Variants in MRPL48 observed in about 807,000 individuals in gnomAD.
MRPL48 encodes mitochondrial ribosomal protein L48.
A neutral mutation model predicts 32.9 loss-of-function variants in MRPL48; 16 were observed. That is an observed-to-expected ratio of 0.49 (90% CI 0.33 to 0.74). The LOEUF (loss-of-function observed/expected upper bound fraction) is 0.74. MRPL48 is among the 30% of genes least tolerant of loss of function. The pLI is 0.02. For synonymous variants in MRPL48, 94 were observed against 89.2 expected (o/e 1.05, Z -0.31); for missense variants, 206 against 245.3 (o/e 0.84, Z 1.07).
At chr11:73,801,836 A>G (rs1285895184) in intron 1 of MRPL48, among the ~76,000 whole-genome samples, 1 of 152,206 alleles carries the variant, frequency 6.6e-6, no homozygotes, top group Non-Finnish European at 1.5e-5. Context: ...TGCTCAACAA[A>G]GTAGATGTCG....
At chr11:73,861,745 T>C in intron 6 of MRPL48, among the ~76,000 whole-genome samples, 1 of 152,210 alleles carries the variant, frequency 6.6e-6, no homozygotes, top group South Asian at 2.1e-4. Context: ...GCCTTCAAAA[T>C]CCTCCACATT....
intron 3 of MRPL48, among the ~76,000 whole-genome samples, chr11:73,816,297 G>A (rs1415505620): frequency 1.3e-5 from 2 of 148,652 alleles, no homozygotes; most frequent in South Asian, 2.1e-4. Flanking sequence ...TCCTGACCTC[G>A]TGATCCGCCC....
At chr11:73,797,208 GC>G (rs951108153) in intron 1 of MRPL48, among the ~76,000 whole-genome samples, 5 of 152,176 alleles carry the variant, frequency 3.3e-5, no homozygotes, top group African/African-American at 1.2e-4. Flanking sequence ...GAGAGGAGCT[GC>G]CCACTCCAAG....
chr11:73,831,790 A>G (rs1947999940), intron 4 of MRPL48, among the ~76,000 whole-genome samples: 1 of 151,898 alleles, frequency 6.6e-6, no homozygotes, highest in Admixed American at 6.6e-5. Flanking sequence ...AAAATGCAAA[A>G]TTAGCTGGGC....
chr11:73,860,560 G>A (rs1041701686), intron 6 of MRPL48: 4 of 152,058 alleles, frequency 2.6e-5, no homozygotes, highest in African/African-American at 9.7e-5. Flanking sequence ...ACCCCTCAGT[G>A]GCTGCCTTCC....
intron 5 of MRPL48, among the ~76,000 whole-genome samples, chr11:73,853,642 G>T (rs183980864): frequency 7.1e-6 from 1 of 141,372 alleles, no homozygotes; most frequent in East Asian, 2.2e-4. Flanking sequence ...TAATAATTAA[G>T]AACTTTTTTT....
At chr11:73,801,603 C>T (rs1723834) in intron 1 of MRPL48, among the ~76,000 whole-genome samples, 12,924 of 152,012 alleles carry the variant, frequency 0.085, 728 homozygotes, top group African/African-American at 0.16. Flanking sequence ...TTTATCTTTC[C>T]GCCTCCTAAT....
chr11:73,861,590 A>G (rs988686272), intron 6 of MRPL48, among the ~76,000 whole-genome samples: 1 of 152,018 alleles, frequency 6.6e-6, no homozygotes, highest in African/African-American at 2.4e-5. Context: ...GCTGGTCTCA[A>G]CCTACTGACC....
At chr11:73,856,182 C>T (rs1223715668) in intron 5 of MRPL48, among the ~76,000 whole-genome samples, 2 of 152,204 alleles carry the variant, frequency 1.3e-5, no homozygotes, top group Non-Finnish European at 2.9e-5. Context: ...CTCCAAACAG[C>T]TCAGAGCATA....
chr11:73,796,837 G>T (rs1391087649), intron 1 of MRPL48, among the ~76,000 whole-genome samples: 2 of 152,196 alleles, frequency 1.3e-5, no homozygotes, highest in African/African-American at 4.8e-5. Context: ...GGCTAAGGCA[G>T]GCAGATCACC....
At chr11:73,814,873 T>TA (rs528245666) in intron 3 of MRPL48, among the ~76,000 whole-genome samples, 25 of 151,358 alleles carry the variant, frequency 1.7e-4, no homozygotes, top group Non-Finnish European at 3.5e-4. Context: ...CACACGCCCA[T>TA]AATCCCAGCT....
intron 5 of MRPL48, among the ~76,000 whole-genome samples, chr11:73,854,874 CA>C (rs1486769967): frequency 6.6e-6 from 1 of 152,140 alleles, no homozygotes; most frequent in Non-Finnish European, 1.5e-5. Flanking sequence ...ATCAACGTAT[CA>C]AAGCTGGAGC....
At chr11:73,839,457 A>C (rs950200702) in intron 4 of MRPL48, among the ~76,000 whole-genome samples, 2 of 152,208 alleles carry the variant, frequency 1.3e-5, no homozygotes, top group African/African-American at 4.8e-5. Context: ...ATGGATAGAC[A>C]AATAGCCCAA....
intron 3 of MRPL48, among the ~76,000 whole-genome samples, chr11:73,816,965 A>G (rs1057139610): frequency 1.3e-5 from 2 of 151,436 alleles, no homozygotes; most frequent in Admixed American, 6.6e-5. Context: ...AGCTGGGATT[A>G]CAGGTGTGCA....
intron 5 of MRPL48, among the ~76,000 whole-genome samples, chr11:73,853,680 C>CTTTTTTTTTTTTTTTTTTT (rs58486952): frequency 6.3e-5 from 5 of 79,118 alleles, no homozygotes; most frequent in African/African-American, 1.0e-4. Context: ...GAGATAGCTT[C>CTTTTTTTTTTTTTTTTTTT]TTTTTTTTTT....
At chr11:73,825,284 ATGTGTGTGTGTGTGTGTGTG>A (rs66515925) in intron 3 of MRPL48, among the ~76,000 whole-genome samples, 1 of 139,824 alleles carries the variant, frequency 7.2e-6, no homozygotes. Context: ...TTTTTTATAT[ATGTGTGTGTGTGTGTGTGTG>A]TGTGTGTGTG....
At chr11:73,843,839 G>A (rs947060603) in intron 4 of MRPL48, among the ~76,000 whole-genome samples, 41 of 152,136 alleles carry the variant, frequency 2.7e-4, no homozygotes, top group Non-Finnish European at 1.0e-4. Context: ...GGCACTTGGG[G>A]AGGCCTAGGT....
At chr11:73,859,423 A>C (rs1948543950) in intron 5 of MRPL48, among the ~76,000 whole-genome samples, 1 of 151,932 alleles carries the variant, frequency 6.6e-6, no homozygotes, top group Admixed American at 6.6e-5. Flanking sequence ...CTGGGACTAC[A>C]GGTGTGTGCC....
intron 5 of MRPL48, among the ~76,000 whole-genome samples, chr11:73,856,350 G>A (rs7932961): frequency 0.056 from 8,589 of 152,116 alleles, 269 homozygotes; most frequent in Middle Eastern, 0.11. Flanking sequence ...GGGGAGGGTG[G>A]GTAGGGATGA....
Sources: allele counts gnomAD v4.1 joint callset (sites outside exome capture counted in the v4.1 genomes callset), GRCh38; gene constraint gnomAD v4.1.1; transcripts MANE v1.5; gene names NCBI Gene and HGNC (gene_info 2026-07-23, HGNC 2026-07-21).